The following COL4A1 variants were observed in gnomAD, a reference collection of about 807,000 sequenced individuals.
COL4A1 encodes collagen type IV alpha 1 chain, also known as collagen alpha-1(IV) chain.
In COL4A1, 40 loss-of-function variants were observed where a neutral mutation model predicts 216.6. The observed-to-expected ratio is 0.18, with a 90% confidence interval of 0.14 to 0.24. COL4A1 has a LOEUF of 0.24. Among genes scored for constraint, COL4A1 ranks in the 10% least tolerant of loss-of-function variants. The pLI, the probability that COL4A1 is intolerant of heterozygous loss-of-function variation, is 1.00. For synonymous variants in COL4A1, 839 were observed against 810.7 expected (o/e 1.03, Z -0.59); for missense variants, 1,628 against 2,196.8 (o/e 0.74, Z 5.18).
At position 110,198,451 on chromosome 13, in the gene COL4A1, T is replaced by A. The variant is rs1362541535; in HGVS notation, c.1285+16A>T. 8 of 1,613,158 alleles carry A rather than the reference T, an allele frequency of 5.0e-6. No individual in the cohort carries two copies. The highest frequency in any genetic ancestry group is 6.8e-6 in the Non-Finnish European group (8 of 1,179,894). The stretch of plus-strand genomic sequence containing the variant: ...CTGCTTGCACCCCACATTAAACCAT[T>A]TCTGAGGGAACTCACTTGTGTAGCC... On this transcript the variant is annotated intron_variant, in intron 21 of 51. Transcript: ENST00000375820.
chr13:110,274,662 G>A (rs967688800), intron 1 of COL4A1, among the ~76,000 whole-genome samples: 1 of 152,180 alleles, frequency 6.6e-6, no homozygotes, highest in Non-Finnish European at 1.5e-5. Flanking sequence ...GAAATGCAAT[G>A]GGAGGAGTGT....
intron 1 of COL4A1, among the ~76,000 whole-genome samples, chr13:110,281,921 C>T (rs1035892014): frequency 3.9e-5 from 6 of 152,230 alleles, no homozygotes; most frequent in Admixed American, 2.6e-4. Flanking sequence ...CCCTGGCCAC[C>T]TTCCCTGCTC....
chr13:110,181,320 G>C lies in COL4A1; in HGVS notation c.2165C>G (p.Pro722Arg). 1.2e-6 allele frequency: 2 copies of C among 1,613,980 alleles called. No homozygotes were observed. The highest frequency in any genetic ancestry group is 1.7e-6 in the Non-Finnish European group (2 of 1,179,906). ...TPGRPGFNGL[P>R]GNPGVQGQKG... ...CTGGCCCTGCACACCTGGGTTCCCA[G>C]GTAAGCCATTAAATCCCGGGCGACC... Residue 722 changes from proline to arginine, a missense_variant, in exon 29 of 52, where the codon CCT (proline) becomes CGT (arginine). By Grantham distance (103) the Pro-to-Arg change is moderately radical (BLOSUM62 -2). This residue lies in a region of COL4A1 where 701 missense variants were observed against 892.5 expected (regional missense o/e 0.79). Coordinates refer to ENST00000375820, the MANE Select transcript of COL4A1 (RefSeq NM_001845.6).
chr13:110,243,993 T>A (rs1384879877), intron 1 of COL4A1, among the ~76,000 whole-genome samples: 1 of 152,162 alleles, frequency 6.6e-6, no homozygotes, highest in African/African-American at 2.4e-5. Flanking sequence ...CAGACACAGG[T>A]ATTGTGGACA....
intron 49 of COL4A1, among the ~76,000 whole-genome samples, chr13:110,158,345 C>T (rs554356170): frequency 7.2e-4 from 109 of 152,350 alleles, no homozygotes; most frequent in African/African-American, 2.4e-3. Flanking sequence ...CATGGTCCCA[C>T]GTGGCATAGC....
In COL4A1 at chr13:110,175,502, C is replaced by T. The variant is rs1877841700; in HGVS notation, c.3059-145G>A. The T allele has an allele frequency of 3.5e-6, 5 of 1,409,350 alleles. No individual in the cohort carries two copies. The African/African-American group carries it at 4.3e-5, about 12-fold the overall frequency. 87.3% of individuals were successfully genotyped at this position (1,409,350 alleles called of 1,614,324 possible). Reference sequence around the variant, plus strand: ...GCCAAGATTGAGATACAAGAATGCACATCCCTCATGTATCAATCGGCTCAT... The same window carrying T: ...GCCAAGATTGAGATACAAGAATGCATATCCCTCATGTATCAATCGGCTCAT... On this transcript the variant is annotated intron_variant, in intron 36 of 51. Transcript: ENST00000375820.
At chr13:110,174,369 G>A (rs1877779130) in intron 39 of COL4A1, 77 bp downstream of exon 39, 4 of 1,523,240 alleles carry the variant, frequency 2.6e-6, no homozygotes, top group South Asian at 1.1e-5. Flanking sequence ...GTCTGTGATG[G>A]GAACTCCTTG....
chr13:110,183,135 C>T (rs945368196), intron 27 of COL4A1, 38 bp from the exon 28 acceptor site: 19 of 1,612,314 alleles, frequency 1.2e-5, no homozygotes, highest in Middle Eastern at 1.6e-4. Context: ...GTGAGAAAAA[C>T]GTGAGGAAAC....
intron 2 of COL4A1, among the ~76,000 whole-genome samples, chr13:110,238,358 A>G (rs1881416804): frequency 6.6e-6 from 1 of 152,230 alleles, no homozygotes; most frequent in South Asian, 2.1e-4. Flanking sequence ...AATCTTTGCT[A>G]TGACAGCATT....
rs112047880 is a variant in COL4A1, at chr13:110,163,055, G to T, written c.4249+408C>A. On this transcript the variant is annotated intron_variant, in intron 47 of 51. Coordinates refer to ENST00000375820, the MANE Select transcript of COL4A1 (RefSeq NM_001845.6). ...GCCTTTTGCATCATAGCCTTCACCG[G>T]ACACTCGAGTGTGCCTTCTCCTAAG... Among the ~76,000 whole-genome samples, 477 of 152,314 alleles carry T rather than the reference G, an allele frequency of 3.1e-3. 17 individuals are homozygous for T. In the East Asian group the frequency reaches 0.077, roughly 25 times the overall value.
chr13:110,260,003 C>A (rs888428427), intron 1 of COL4A1, among the ~76,000 whole-genome samples: 2 of 152,184 alleles, frequency 1.3e-5, no homozygotes, highest in Non-Finnish European at 2.9e-5. Flanking sequence ...TGCTACCAGG[C>A]AACCTAATCT....
intron 1 of COL4A1, among the ~76,000 whole-genome samples, chr13:110,295,428 T>C (rs1485350907): frequency 6.8e-6 from 1 of 146,252 alleles, no homozygotes; most frequent in Admixed American, 6.8e-5. Context: ...CTTCCTTTTT[T>C]TTTTTTTTTT....
intron 1 of COL4A1, among the ~76,000 whole-genome samples, chr13:110,262,960 T>C (rs1373608852): frequency 1.3e-5 from 2 of 152,218 alleles, no homozygotes; most frequent in Non-Finnish European, 2.9e-5. Context: ...GAGGAGCTCC[T>C]GAGTGTGTGG....
In COL4A1 at chr13:110,176,461, C is replaced by T. The variant is rs148308759; in HGVS notation, c.3021G>A (p.Pro1007=). ...ISGTPGAPGL[P]GPKGSVGGMG... ...TTCCACCAACAGATCCTTTTGGTCC[C>T]GGAAGTCCTGGAGCACCTGGGGTTC... Residue 1007 remains proline, a synonymous_variant, in exon 36 of 52, where the codon CCG becomes CCA. Coordinates refer to ENST00000375820, the MANE Select transcript of COL4A1 (RefSeq NM_001845.6). The T allele has an allele frequency of 1.8e-5, 29 of 1,613,920 alleles. No individual in the cohort carries two copies. The highest frequency in any genetic ancestry group is 3.3e-5 in the Admixed American group (2 of 60,004).
Position 110,152,483 on chromosome 13 carries a change from G to A in COL4A1, c.4779C>T (p.Gly1593=), listed in dbSNP as rs1304793291. 2 of 1,613,192 alleles carry A rather than the reference G, an allele frequency of 1.2e-6. No individual in the cohort carries two copies. Among genetic ancestry groups the A allele is most frequent in the Non-Finnish European group, 1.7e-6 (2 of 1,179,956 alleles). The part of the protein sequence containing the change: ...FVMHTSAGAE[G]SGQALASPGS... ...CGGGGGACGCCAGGGCTTGGCCAGA[G>A]CCTTCTGCACCAGCGCTGGTGTGCT... is the stretch of plus-strand genomic sequence containing the variant. The change falls in exon 51 of 52, where the codon GGC becomes GGT. Residue 1593 remains glycine (G), a synonymous_variant. Transcript: ENST00000375820.
rs755309537 is a variant in COL4A1 at position 110,163,557 on chromosome 13, A to G, written c.4155T>C (p.Val1385=). 1.2e-6 allele frequency: 2 copies of G among 1,613,756 alleles called. No individual in the cohort carries two copies. The highest frequency in any genetic ancestry group is 2.2e-5 in the East Asian group (1 of 44,874). ...GTCCAGGTATACCCACCAATCCTGT[A>G]ACACCTGAGGCAGAGGAAAAATAAT... ...GLPGPKGQQG[V]TGLVGIPGPP... is the part of the protein sequence containing the mutation. Residue 1385 remains valine (V), a synonymous_variant, in exon 47 of 52, where the codon GTT becomes GTC. Coordinates refer to ENST00000375820, the MANE Select transcript of COL4A1 (RefSeq NM_001845.6).
chr13:110,230,736 C>A (rs911711146), intron 2 of COL4A1, among the ~76,000 whole-genome samples: 5 of 152,236 alleles, frequency 3.3e-5, no homozygotes, highest in Admixed American at 6.5e-5. Flanking sequence ...TGGAAGTCCC[C>A]CCGTGGTATG....
At chr13:110,158,259 C>A (rs1876884967) in intron 49 of COL4A1, among the ~76,000 whole-genome samples, 1 of 152,206 alleles carries the variant, frequency 6.6e-6, no homozygotes, top group African/African-American at 2.4e-5. Flanking sequence ...AGAAAACTGT[C>A]AGTAGATATT....
At chr13:110,185,413 G>C (rs907470615) in intron 26 of COL4A1, among the ~76,000 whole-genome samples, 2 of 152,158 alleles carry the variant, frequency 1.3e-5, no homozygotes, top group African/African-American at 4.8e-5. Flanking sequence ...CAAAGTGCTG[G>C]GATTACAGGC....
Sources: allele counts gnomAD v4.1 joint callset (sites outside exome capture counted in the v4.1 genomes callset), GRCh38; gene constraint gnomAD v4.1.1; regional missense constraint gnomAD v4.1.1; transcripts MANE v1.5; gene names NCBI Gene and HGNC (gene_info 2026-07-23, HGNC 2026-07-21).